PTPRT: variants seen among roughly 807,000 people sequenced by gnomAD.
PTPRT encodes the protein protein tyrosine phosphatase receptor type T.
Under a neutral mutation model 176.8 loss-of-function variants are expected in PTPRT, and 56 were observed. The observed-to-expected ratio is 0.32, with a 90% confidence interval of 0.26 to 0.40. The LOEUF (loss-of-function observed/expected upper bound fraction) is 0.40, where lower values mean the gene tolerates loss of function less well. Among genes scored for constraint, PTPRT ranks in the 10% least tolerant of loss-of-function variants. The probability of loss-of-function intolerance (pLI) is 1.00; values close to 1 mark genes in which losing one functional copy is unlikely to be tolerated. For missense variants in PTPRT, 1,540 were observed against 1,908.2 expected (o/e 0.81, Z 3.60); for synonymous variants, 783 against 739.0 (o/e 1.06, Z -0.96).
chr20:43,065,240 T>C (rs1355633811), intron 1 of PTPRT, among the ~76,000 whole-genome samples: 1 of 152,216 alleles, frequency 6.6e-6, no homozygotes, highest in East Asian at 1.9e-4. Flanking sequence ...CAGTCCAATA[T>C]AGATTCACAG....
Position 42,096,761 on chromosome 20 carries a change from T to TAA in PTPRT, c.3846+1659_3846+1660insTT, listed in dbSNP as rs1985288108. Among the ~76,000 whole-genome samples the TAA allele has an allele frequency of 1.5e-3, 112 of 76,500 alleles. 1 individual carries two copies. The highest frequency in any genetic ancestry group is 1.7e-3 in the African/African-American group (38 of 21,864). 50.2% of individuals were successfully genotyped at this position (76,500 alleles called of 152,430 possible). A position where few individuals can be genotyped will look rare whatever the true frequency, so the allele number is the denominator to read the frequency against. ...ACCATGCCTGGCTAATTAAAATTTT[T>TAA]TTTTTTTTTTTTTTTTTTTGTAGAG... On this transcript the variant is annotated intron_variant, in intron 27 of 30. Coordinates refer to ENST00000373187, the MANE Select transcript of PTPRT (RefSeq NM_007050.6).
chr20:42,186,805 G>T (rs532749540), intron 16 of PTPRT, among the ~76,000 whole-genome samples: 4 of 152,190 alleles, frequency 2.6e-5, no homozygotes, highest in South Asian at 4.2e-4. Flanking sequence ...GGTAAGAGAT[G>T]ATGATGACTT....
intron 7 of PTPRT, among the ~76,000 whole-genome samples, chr20:42,674,280 C>T (rs946867609): frequency 6.6e-6 from 1 of 152,066 alleles, no homozygotes; most frequent in Non-Finnish European, 1.5e-5. Context: ...ACTTAAACAC[C>T]AACGTTTTTT....
chr20:42,930,648 T>A (rs1979783172), intron 1 of PTPRT, among the ~76,000 whole-genome samples: 1 of 151,446 alleles, frequency 6.6e-6, no homozygotes, highest in Admixed American at 6.6e-5. Context: ...ATGCCTGGCT[T>A]TTTTTTTATT....
intron 7 of PTPRT, among the ~76,000 whole-genome samples, chr20:42,478,927 T>C (rs997226495): frequency 2.0e-5 from 3 of 152,088 alleles, no homozygotes; most frequent in African/African-American, 4.8e-5. Flanking sequence ...ATCTAGAAAG[T>C]AGTGATAGCT....
At chr20:42,334,237 T>C (rs1191914147) in intron 11 of PTPRT, among the ~76,000 whole-genome samples, 3 of 152,160 alleles carry the variant, frequency 2.0e-5, no homozygotes, top group African/African-American at 4.8e-5. Flanking sequence ...GTGCTGTGCA[T>C]TGTGGGATGT....
At chr20:43,037,992 A>G (rs1470157839) in intron 1 of PTPRT, among the ~76,000 whole-genome samples, 1 of 152,170 alleles carries the variant, frequency 6.6e-6, no homozygotes, top group Non-Finnish European at 1.5e-5. Context: ...TGGGAAACCC[A>G]TCGTAAGACA....
At position 42,605,460 on chromosome 20, in the gene PTPRT, C is replaced by T. The variant is rs116782667; in HGVS notation, c.1153+72406G>A. 4.4e-3 allele frequency among the ~76,000 whole-genome samples: 665 copies of T among 152,318 alleles called. 4 individuals carry two copies. Among genetic ancestry groups the T allele is most frequent in the Middle Eastern group, 0.037 (11 of 294 alleles). ...GGTGTTAATTTACTCACTTCTTAGA[C>T]GTCTCCGCAGAAAGGTCAAGGGCTA... On this transcript the variant is annotated intron_variant, in intron 7 of 30. Coordinates refer to ENST00000373187, the MANE Select transcript of PTPRT (RefSeq NM_007050.6).
chr20:42,147,654 G>A (rs1462347017), intron 17 of PTPRT, among the ~76,000 whole-genome samples: 2 of 152,170 alleles, frequency 1.3e-5, no homozygotes, highest in Non-Finnish European at 2.9e-5. Flanking sequence ...ACCCCAGCAT[G>A]CACCTATCCC....
chr20:42,546,743 A>AT (rs371391713), intron 7 of PTPRT, among the ~76,000 whole-genome samples: 92 of 152,196 alleles, frequency 6.0e-4, no homozygotes, highest in Admixed American at 1.6e-3. Context: ...TAATTTCAAT[A>AT]TTTTTTTGTT....
At chr20:42,527,590 AG>A (rs546590770) in intron 7 of PTPRT, among the ~76,000 whole-genome samples, 5 of 152,182 alleles carry the variant, frequency 3.3e-5, no homozygotes, top group Non-Finnish European at 7.4e-5. Context: ...CTTATGGAGA[AG>A]GGGAAAAAAA....
intron 7 of PTPRT, among the ~76,000 whole-genome samples, chr20:42,609,943 G>A (rs2073946288): frequency 6.6e-6 from 1 of 152,190 alleles, no homozygotes; most frequent in Non-Finnish European, 1.5e-5. Flanking sequence ...GTGGCCTCCA[G>A]GAGCTGTTCT....
intron 9 of PTPRT, among the ~76,000 whole-genome samples, chr20:42,379,211 G>A (rs140902898): frequency 3.1e-4 from 47 of 152,338 alleles, no homozygotes; most frequent in Middle Eastern, 3.4e-3. Context: ...CTCTGTCTGT[G>A]ATGAACTTCC....
chr20:42,972,749 G>C (rs1022078789), intron 1 of PTPRT, among the ~76,000 whole-genome samples: 1 of 147,106 alleles, frequency 6.8e-6, no homozygotes, highest in East Asian at 2.1e-4. Flanking sequence ...GAAAATATTT[G>C]AGGTTTTAAG....
At chr20:42,129,709 G>A (rs1988035562) in intron 18 of PTPRT, among the ~76,000 whole-genome samples, 2 of 152,188 alleles carry the variant, frequency 1.3e-5, no homozygotes, top group South Asian at 4.1e-4. Flanking sequence ...CCTAAGATGT[G>A]GGCTGGAGAG....
chr20:42,092,815 C>A (rs1233098444), intron 27 of PTPRT, among the ~76,000 whole-genome samples: 1 of 152,192 alleles, frequency 6.6e-6, no homozygotes, highest in African/African-American at 2.4e-5. Context: ...GAATGAGGAG[C>A]TTGCCTCTCT....
chr20:42,343,959 G>A (rs950684048), intron 11 of PTPRT, among the ~76,000 whole-genome samples: 2 of 152,242 alleles, frequency 1.3e-5, no homozygotes, highest in Non-Finnish European at 2.9e-5. Context: ...GAGTGCAGTG[G>A]TGTGATCTCA....
At chr20:42,303,827 A>G (rs2057505721) in intron 12 of PTPRT, among the ~76,000 whole-genome samples, 1 of 152,172 alleles carries the variant, frequency 6.6e-6, no homozygotes. Flanking sequence ...TAGAACAAAG[A>G]GAACTTGGTG....
chr20:42,633,284 A>C (rs773321690), intron 7 of PTPRT, among the ~76,000 whole-genome samples: 1 of 152,152 alleles, frequency 6.6e-6, no homozygotes, highest in Non-Finnish European at 1.5e-5. Context: ...AGCAACTTGA[A>C]ATATATTTTA....
Sources: gnomAD v4.1 joint callset for allele counts (sites outside exome capture counted in the v4.1 genomes callset) on GRCh38, gnomAD v4.1.1 for gene constraint, MANE v1.5 for transcripts, NCBI Gene and HGNC (gene_info 2026-07-23, HGNC 2026-07-21) for gene names.